Variants in PRSS23 observed in about 807,000 individuals in gnomAD.
The protein encoded by PRSS23 is protease, serine 23.
A neutral mutation model predicts 34.7 loss-of-function variants in PRSS23; 25 were observed. The observed-to-expected ratio is 0.72, with a 90% CI of 0.53 to 1.01. The LOEUF (loss-of-function observed/expected upper bound fraction) is 1.01, where lower values mean the gene tolerates loss of function less well. PRSS23 is among the 50% of genes least tolerant of loss of function. The pLI, the probability that PRSS23 is intolerant of heterozygous loss-of-function variation, is 0.00. For missense variants in PRSS23, 445 were observed against 475.6 expected (o/e 0.94, Z 0.60); for synonymous variants, 176 against 186.6 (o/e 0.94, Z 0.46).
At chr11:86,947,201 T>TCAAA (rs34325935) in intron 2 of PRSS23, 2,799 of 165,506 alleles carry the variant, frequency 0.017, 61 homozygotes, top group Middle Eastern at 0.023. Flanking sequence ...AGACCCTGTC[T>TCAAA]CAAACAAACA....
chr11:86,826,201 T>C (rs1352250829), intron 2 of PRSS23, among the ~76,000 whole-genome samples: 1 of 151,932 alleles, frequency 6.6e-6, no homozygotes, highest in East Asian at 1.9e-4. Flanking sequence ...TTCACGTCCC[T>C]TGTAAGTTGG....
intron 2 of PRSS23, among the ~76,000 whole-genome samples, chr11:86,881,666 T>C (rs1447538824): frequency 6.6e-6 from 1 of 152,190 alleles, no homozygotes; most frequent in Non-Finnish European, 1.5e-5. Context: ...GTGTGAAAAA[T>C]TGGTGTTAAT....
At chr11:86,818,778 A>G (rs1231108732) in intron 1 of PRSS23, among the ~76,000 whole-genome samples, 1 of 152,176 alleles carries the variant, frequency 6.6e-6, no homozygotes, top group East Asian at 1.9e-4. Context: ...ATTTGCAGAG[A>G]GGGGCTTCCA....
At chr11:86,881,891 T>C (rs11234860) in intron 2 of PRSS23, among the ~76,000 whole-genome samples, 28,893 of 152,142 alleles carry the variant, frequency 0.19, 2,930 homozygotes, top group Non-Finnish European at 0.23. Flanking sequence ...TATATATTAA[T>C]TGTTCATAGT....
At chr11:86,904,441 T>C (rs1483796243) in intron 2 of PRSS23, among the ~76,000 whole-genome samples, 1 of 152,082 alleles carries the variant, frequency 6.6e-6, no homozygotes, top group Non-Finnish European at 1.5e-5. Context: ...TTGCCTGGAG[T>C]ACCCATCTTA....
intron 2 of PRSS23, chr11:86,946,986 A>G (rs1949248673): frequency 6.6e-6 from 1 of 152,290 alleles, no homozygotes; most frequent in South Asian, 2.1e-4. Flanking sequence ...CGGGCAGATC[A>G]TGAGGTCAGG....
rs990103072 is a variant in PRSS23 at position 86,808,520 on chromosome 11, C to G, written c.877C>G (p.Arg293Gly). 2 of 1,614,178 alleles carry G rather than the reference C, an allele frequency of 1.2e-6. No homozygotes were observed. Among genetic ancestry groups the G allele is most frequent in the Non-Finnish European group, 8.5e-7 (1 of 1,180,030 alleles). ...DNDRPGNLVY[R>G]FCDVKDETYD... Reference sequence around the variant, plus strand: ...TGACCGACCAGGCAATTTGGTGTATCGCTTCTGTGACGTCAAAGACGAGAC... The same window carrying G: ...TGACCGACCAGGCAATTTGGTGTATGGCTTCTGTGACGTCAAAGACGAGAC... Residue 293 changes from arginine (R) to glycine (G), a missense_variant, in exon 2 of 2, where the codon CGC (arginine) becomes GGC (glycine). By Grantham distance (125) the Arg-to-Gly change is moderately radical (BLOSUM62 -2). Coordinates refer to ENST00000280258, the MANE Select transcript of PRSS23 (RefSeq NM_007173.6).
Position 86,808,135 on chromosome 11 carries a change from G to A in PRSS23, c.492G>A (p.Leu164=), listed in dbSNP as rs769914145. The A allele has an allele frequency of 4.3e-6, 7 of 1,614,092 alleles. No homozygotes were observed. The highest frequency in any genetic ancestry group is 1.3e-5 in the African/African-American group (1 of 74,942). The change falls in exon 2 of 2, where the codon CTG becomes CTA. Residue 164 remains leucine (L), a synonymous_variant. Coordinates refer to ENST00000280258, the MANE Select transcript of PRSS23 (RefSeq NM_007173.6). ...TATCCACGGGCTGCACCGGCACCCT[G>A]GTGGCAGAGAAGCATGTCCTCACAG... is the stretch of plus-strand genomic sequence containing the variant. ...VKLSTGCTGT[L]VAEKHVLTAA... is the part of the protein sequence containing the mutation.
intron 2 of PRSS23, chr11:86,832,624 C>T: frequency 2.0e-6 from 1 of 491,708 alleles, no homozygotes; most frequent in South Asian, 1.5e-5. Flanking sequence ...TCACCGTGTA[C>T]ATCATTGAGG....
At chr11:86,815,412 T>C (rs937942832), downstream of PRSS23, among the ~76,000 whole-genome samples, 1 of 152,244 alleles carries the variant, frequency 6.6e-6, no homozygotes, top group South Asian at 2.1e-4. Flanking sequence ...GTGCCTGGCA[T>C]GTAGGTTCTC....
chr11:86,801,021 A>G (rs1283462655), intron 1 of PRSS23, among the ~76,000 whole-genome samples: 1 of 152,018 alleles, frequency 6.6e-6, no homozygotes, highest in Admixed American at 6.5e-5. Flanking sequence ...CCAACACACC[A>G]CCACCACTAC....
chr11:86,829,076 A>AC (rs1208420256), intron 2 of PRSS23, among the ~76,000 whole-genome samples: 2 of 152,126 alleles, frequency 1.3e-5, no homozygotes, highest in Non-Finnish European at 2.9e-5. Flanking sequence ...CTGGATAATG[A>AC]CCTGCAGAGT....
intron 1 of PRSS23, 125 bp from the exon 2 acceptor site, chr11:86,807,506 C>T: frequency 1.1e-6 from 1 of 928,592 alleles, no homozygotes; most frequent in Non-Finnish European, 1.6e-6. Context: ...CCTCTCCACA[C>T]CCTGATTCCT....
chr11:86,840,170 G>T (rs898158693), intron 2 of PRSS23, among the ~76,000 whole-genome samples: 1 of 152,084 alleles, frequency 6.6e-6, no homozygotes, highest in Non-Finnish European at 1.5e-5. Context: ...TGGATAAAGA[G>T]TCAAGACCCA....
At chr11:86,831,444 C>T (rs1194246932) in intron 2 of PRSS23, among the ~76,000 whole-genome samples, 2 of 151,496 alleles carry the variant, frequency 1.3e-5, no homozygotes, top group Admixed American at 6.6e-5. Context: ...CAGGTGTACC[C>T]CCTGTGAAAT....
chr11:86,903,240 C>T (rs1181873424), intron 2 of PRSS23, among the ~76,000 whole-genome samples: 1 of 152,094 alleles, frequency 6.6e-6, no homozygotes, highest in African/African-American at 2.4e-5. Context: ...TTTCCACAAT[C>T]ACAGTTAAAA....
At chr11:86,831,906 T>G (rs1488107889) in intron 2 of PRSS23, among the ~76,000 whole-genome samples, 1 of 151,966 alleles carries the variant, frequency 6.6e-6, no homozygotes, top group Admixed American at 6.5e-5. Flanking sequence ...ATTCACAATA[T>G]TCCGGAATGA....
intron 2 of PRSS23, chr11:86,934,548 G>A (rs986107335): frequency 2.6e-5 from 4 of 152,182 alleles, no homozygotes; most frequent in African/African-American, 9.7e-5. Context: ...CTGGGTGGCT[G>A]AAAGGAGAAG....
intron 2 of PRSS23, among the ~76,000 whole-genome samples, chr11:86,836,252 T>A (rs192747255): frequency 1.1e-4 from 17 of 152,282 alleles, no homozygotes; most frequent in Non-Finnish European, 1.2e-4. Context: ...CAGGGGCTAT[T>A]GCACGGTTTT....
Sources: allele counts gnomAD v4.1 joint callset (sites outside exome capture counted in the v4.1 genomes callset), GRCh38; gene constraint gnomAD v4.1.1; transcripts MANE v1.5; gene names NCBI Gene and HGNC (gene_info 2026-07-23, HGNC 2026-07-21).